Variants in FAT3 observed in about 807,000 individuals in gnomAD.
FAT3 encodes protocadherin Fat 3.
FAT3 carries 95 observed loss-of-function variants against 310.2 expected under a neutral mutation model. The ratio of observed to expected loss-of-function variants is 0.31; its 90% CI spans 0.26 to 0.36. The LOEUF is 0.36. Ranked by LOEUF, FAT3 falls within the 10% of genes least tolerant of loss-of-function variation. The pLI, the probability that FAT3 is intolerant of heterozygous loss-of-function variation, is 1.00. For synonymous variants in FAT3, 2,314 were observed against 2,192.9 expected (o/e 1.06, Z -1.54); for missense variants, 5,408 against 5,715.6 (o/e 0.95, Z 1.74).
intron 2 of FAT3, chr11:92,498,650 G>GT (rs1337625807): frequency 6.5e-6 from 1 of 153,354 alleles, no homozygotes; most frequent in Non-Finnish European, 1.5e-5. Flanking sequence ...TTTTCAGGCA[G>GT]TTTTTGCCCT....
chr11:92,783,273 A>T (rs972102614), intron 7 of FAT3, among the ~76,000 whole-genome samples: 1 of 145,682 alleles, frequency 6.9e-6, no homozygotes, highest in Non-Finnish European at 1.5e-5. Flanking sequence ...TGAGAGAATC[A>T]CTTGAATCTG....
chr11:92,737,646 T>G (rs1384447162), intron 4 of FAT3, among the ~76,000 whole-genome samples: 2 of 152,148 alleles, frequency 1.3e-5, no homozygotes, highest in Non-Finnish European at 2.9e-5. Flanking sequence ...GAATCAACCT[T>G]GTTTAATTTT....
At chr11:92,312,809 C>T (rs1268349181) in intron 1 of FAT3, among the ~76,000 whole-genome samples, 1 of 152,120 alleles carries the variant, frequency 6.6e-6, no homozygotes, top group East Asian at 1.9e-4. Context: ...GGGCTGTGAC[C>T]TAAGTGCTTG....
intron 3 of FAT3, among the ~76,000 whole-genome samples, chr11:92,649,889 A>G (rs1591563517): frequency 5.1e-5 from 3 of 59,098 alleles, no homozygotes; most frequent in African/African-American, 1.9e-4. Context: ...ATATATATAT[A>G]TATATATATA....
chr11:92,729,978 A>T (rs1792372), intron 4 of FAT3, among the ~76,000 whole-genome samples: 1,895 of 152,242 alleles, frequency 0.012, 34 homozygotes, highest in African/African-American at 0.043. Context: ...GTGATTTTTT[A>T]AAAATATTTT....
chr11:92,830,286 T>A (rs1948210145), intron 13 of FAT3, among the ~76,000 whole-genome samples: 1 of 152,238 alleles, frequency 6.6e-6, no homozygotes, highest in Admixed American at 6.5e-5. Context: ...GAAGTAGAAG[T>A]CAATCCAACC....
intron 2 of FAT3, among the ~76,000 whole-genome samples, chr11:92,493,937 A>C (rs555461507): frequency 3.4e-4 from 51 of 152,080 alleles, no homozygotes; most frequent in African/African-American, 1.2e-3. Flanking sequence ...GACCTAGTGG[A>C]ATGAGCAGAA....
At position 92,354,514 on chromosome 11, in the gene FAT3, T is replaced by G. The variant is rs1948674565; in HGVS notation, c.2402T>G (p.Ile801Ser). Residue 801 changes from isoleucine to serine, a missense_variant, in exon 2 of 28, where the codon ATC becomes AGC. Around this residue, in one of 5 missense-constraint regions of FAT3, gnomAD observed 4,588 missense variants for 4,809.8 expected, o/e 0.95. Transcript: ENST00000525166. ...CACACAGACCTCTATCTCCTTAATA[T>G]CACCATCTATGACTTAGGTAATCCA... ...REHTDLYLLN[I>S]TIYDLGNPQK... The G allele has an allele frequency of 3.1e-6, 5 of 1,613,720 alleles. No individual in the cohort carries two copies. The highest frequency in any genetic ancestry group is 4.2e-6 in the Non-Finnish European group (5 of 1,179,864).
chr11:92,448,155 T>A (rs1161961155), intron 2 of FAT3, among the ~76,000 whole-genome samples: 2 of 152,128 alleles, frequency 1.3e-5, no homozygotes, highest in African/African-American at 4.8e-5. Context: ...TTAGAGTTGT[T>A]GTGAAGATTG....
chr11:92,539,807 C>T (rs898867850), intron 3 of FAT3, among the ~76,000 whole-genome samples: 3 of 152,118 alleles, frequency 2.0e-5, no homozygotes, highest in African/African-American at 7.2e-5. Flanking sequence ...TTCTGGACCA[C>T]TTTTTAAAGT....
intron 19 of FAT3, among the ~76,000 whole-genome samples, chr11:92,850,153 G>C (rs1948785759): frequency 6.6e-6 from 1 of 152,190 alleles, no homozygotes; most frequent in Non-Finnish European, 1.5e-5. Context: ...TCTAAGGAGA[G>C]AGCCAATCCC....
chr11:92,714,492 C>T (rs985314058), intron 4 of FAT3, among the ~76,000 whole-genome samples: 15 of 152,014 alleles, frequency 9.9e-5, no homozygotes, highest in Admixed American at 5.9e-4. Flanking sequence ...ATCATATTCC[C>T]CCAAAGCACA....
chr11:92,348,233 T>G (rs1948468419), intron 1 of FAT3, among the ~76,000 whole-genome samples: 1 of 152,170 alleles, frequency 6.6e-6, no homozygotes, highest in Non-Finnish European at 1.5e-5. Flanking sequence ...TGCTCAGTTT[T>G]TTGGTGGTAG....
chr11:92,856,565 A>C (rs981525651), intron 19 of FAT3, among the ~76,000 whole-genome samples: 2 of 152,186 alleles, frequency 1.3e-5, no homozygotes, highest in Admixed American at 6.5e-5. Context: ...TGCTGTGAAC[A>C]TCGAACAGGT....
chr11:92,586,528 C>T (rs965611153), intron 3 of FAT3, among the ~76,000 whole-genome samples: 8 of 151,904 alleles, frequency 5.3e-5, no homozygotes, highest in African/African-American at 1.9e-4. Context: ...TTTGGTATAC[C>T]TCTTGCCATT....
chr11:92,620,644 A>G (rs552498059), intron 3 of FAT3, among the ~76,000 whole-genome samples: 1 of 151,626 alleles, frequency 6.6e-6, no homozygotes, highest in South Asian at 2.1e-4. Context: ...TTATTCTTCC[A>G]TTATTAAAAA....
At chr11:92,279,713 C>T (rs189553000) in intron 1 of FAT3, among the ~76,000 whole-genome samples, 47 of 152,202 alleles carry the variant, frequency 3.1e-4, no homozygotes, top group African/African-American at 8.2e-4. Context: ...TTCTTTCTTC[C>T]GGCTACTTTG....
intron 15 of FAT3, among the ~76,000 whole-genome samples, chr11:92,836,314 C>T (rs1948406840): frequency 6.6e-6 from 1 of 152,126 alleles, no homozygotes. Context: ...GAAAATCAGG[C>T]CTAACAGGCA....
intron 1 of FAT3, among the ~76,000 whole-genome samples, chr11:92,330,993 TGTGTGTGTGTGAGAGAGA>T (rs763546939): frequency 1.6e-5 from 2 of 125,426 alleles, no homozygotes; most frequent in African/African-American, 4.3e-5. Context: ...TGTGTGTGTG[TGTGTGTGTGTGAGAGAGA>T]GAGAGAGAGA....
Sources: allele counts gnomAD v4.1 joint callset (sites outside exome capture counted in the v4.1 genomes callset), GRCh38; gene constraint gnomAD v4.1.1; regional missense constraint gnomAD v4.1.1; transcripts MANE v1.5; gene names NCBI Gene and HGNC (gene_info 2026-07-23, HGNC 2026-07-21).